HDAC9: variants seen among roughly 807,000 people sequenced by gnomAD.
The protein encoded by HDAC9 is MEF-2 interacting transcription repressor (MITR) protein.
HDAC9 carries 41 observed loss-of-function variants against 139.4 expected under a neutral mutation model. The observed-to-expected ratio is 0.29, with a 90% CI of 0.23 to 0.38. The LOEUF (loss-of-function observed/expected upper bound fraction) is 0.38, where lower values mean the gene tolerates loss of function less well. HDAC9 is among the 10% of genes least tolerant of loss of function. The probability of loss-of-function intolerance (pLI) is 1.00; values close to 1 mark genes in which losing one functional copy is unlikely to be tolerated. For synonymous variants in HDAC9, 517 were observed against 476.2 expected, an observed-to-expected ratio of 1.09 and a Z score of -1.12; for missense variants, 1,147 against 1,297.0, an observed-to-expected ratio of 0.88 and a Z score of 1.78.
At chr7:18,333,860 T>G (rs988336683) in intron 1 of HDAC9, among the ~76,000 whole-genome samples, 12 of 151,334 alleles carry the variant, frequency 7.9e-5, no homozygotes, top group Non-Finnish European at 1.6e-4. Context: ...GACAAATGTC[T>G]GAAAATATAG....
chr7:18,416,278 A>AG (rs1474256046), intron 1 of HDAC9, among the ~76,000 whole-genome samples: 1 of 152,150 alleles, frequency 6.6e-6, no homozygotes, highest in Non-Finnish European at 1.5e-5. Context: ...CCTGGGCAAC[A>AG]AGAGCAAAAC....
intron 1 of HDAC9, among the ~76,000 whole-genome samples, chr7:18,488,696 T>A (rs552875319): frequency 1.8e-4 from 27 of 152,046 alleles, no homozygotes; most frequent in African/African-American, 6.5e-4. Context: ...GGTTCATTAC[T>A]GTAAAGCAGA....
At chr7:18,610,437 C>T (rs1243373341) in intron 6 of HDAC9, among the ~76,000 whole-genome samples, 2 of 152,078 alleles carry the variant, frequency 1.3e-5, no homozygotes, top group East Asian at 3.9e-4. Flanking sequence ...CACCTTTTCA[C>T]AGTTTAACAA....
intron 1 of HDAC9, among the ~76,000 whole-genome samples, chr7:18,364,194 T>G (rs1389192129): frequency 2.0e-5 from 3 of 152,266 alleles, no homozygotes; most frequent in African/African-American, 7.2e-5. Context: ...TTGCTGAAGA[T>G]CCCAGGCTTT....
chr7:18,895,897 T>A (rs1485718946), intron 22 of HDAC9, among the ~76,000 whole-genome samples: 1 of 152,074 alleles, frequency 6.6e-6, no homozygotes, highest in Non-Finnish European at 1.5e-5. Context: ...TAACCACTTT[T>A]TAAATGGACA....
intron 21 of HDAC9, among the ~76,000 whole-genome samples, chr7:18,856,791 T>C (rs959045839): frequency 3.3e-5 from 5 of 152,178 alleles, no homozygotes; most frequent in African/African-American, 1.2e-4. Context: ...TACAATCAAA[T>C]GTAACATCGA....
At chr7:18,570,527 T>C (rs1348304586) in intron 2 of HDAC9, among the ~76,000 whole-genome samples, 2 of 152,166 alleles carry the variant, frequency 1.3e-5, no homozygotes, top group African/African-American at 2.4e-5. Flanking sequence ...ATGAAATGTG[T>C]AGAAATAAAA....
chr7:18,647,816 G>T lies in HDAC9; in HGVS notation c.1067G>T (p.Cys356Phe), dbSNP rs1209148550. Reference protein sequence around the residue: ...ASNSLKEKQKCETQTLRQGVP... With the variant: ...ASNSLKEKQKFETQTLRQGVP... ...AATTCACTCAAAGAAAAGCAGAAGT[G>T]TGAGACGCAGACGCTTAGGCAAGGT... Residue 356 changes from cysteine to phenylalanine, a missense_variant, in exon 10 of 26, where the codon TGT becomes TTT. Cys to Phe is a radical substitution (Grantham distance 205, BLOSUM62 -2). This residue lies in a region of HDAC9 where 264 missense variants were observed against 273.8 expected (regional missense o/e 0.96). Coordinates refer to ENST00000686413, the MANE Select transcript of HDAC9 (RefSeq NM_178425.4). The T allele has an allele frequency of 6.2e-7, 1 of 1,611,402 alleles. No individual in the cohort carries two copies. Among genetic ancestry groups the T allele is most frequent in the Non-Finnish European group, 8.5e-7 (1 of 1,178,798 alleles).
intron 17 of HDAC9, among the ~76,000 whole-genome samples, chr7:18,811,791 G>A (rs555312967): frequency 6.6e-6 from 1 of 151,494 alleles, no homozygotes; most frequent in Non-Finnish European, 1.5e-5. Context: ...ATATGTGTTT[G>A]TGTTGTATGT....
chr7:18,993,086 A>G (rs888339857), intron 25 of HDAC9, among the ~76,000 whole-genome samples: 65 of 149,526 alleles, frequency 4.3e-4, no homozygotes, highest in Admixed American at 3.8e-3. Context: ...CACTCACCAG[A>G]TATCTTTCTA....
chr7:18,847,315 C>G (rs971253995), intron 21 of HDAC9, among the ~76,000 whole-genome samples: 3 of 152,142 alleles, frequency 2.0e-5, no homozygotes, highest in Non-Finnish European at 4.4e-5. Context: ...CAAGTGATTA[C>G]TTTTCAAAAC....
At chr7:18,878,720 G>A (rs7789261) in intron 22 of HDAC9, among the ~76,000 whole-genome samples, 10,543 of 151,522 alleles carry the variant, frequency 0.07, 936 homozygotes, top group African/African-American at 0.2. Context: ...AATGGGCAAA[G>A]GTTGGAAGCA....
At chr7:18,890,118 A>G (rs898928853) in intron 22 of HDAC9, among the ~76,000 whole-genome samples, 6 of 152,124 alleles carry the variant, frequency 3.9e-5, no homozygotes, top group Non-Finnish European at 2.9e-5. Context: ...AAATACAGAA[A>G]CTCATTTAAA....
intron 12 of HDAC9, among the ~76,000 whole-genome samples, chr7:18,711,906 C>T (rs542109638): frequency 6.6e-6 from 1 of 151,330 alleles, no homozygotes; most frequent in Non-Finnish European, 1.5e-5. Context: ...CTTTTCCCAT[C>T]TCTTCTCTCA....
chr7:18,517,479 C>T (rs1440465862), intron 2 of HDAC9, among the ~76,000 whole-genome samples: 1 of 152,124 alleles, frequency 6.6e-6, no homozygotes, highest in Non-Finnish European at 1.5e-5. Context: ...TTATTTCCTC[C>T]CCTCCATTTC....
At chr7:18,486,831 G>A (rs1234953463) in intron 1 of HDAC9, among the ~76,000 whole-genome samples, 1 of 152,074 alleles carries the variant, frequency 6.6e-6, no homozygotes, top group African/African-American at 2.4e-5. Context: ...GAATGATAAT[G>A]CAGAAGATGG....
chr7:18,763,307 C>T (rs1244527842), intron 15 of HDAC9, among the ~76,000 whole-genome samples: 1 of 152,144 alleles, frequency 6.6e-6, no homozygotes, highest in Non-Finnish European at 1.5e-5. Flanking sequence ...AAACAAGTGG[C>T]AAGCATCTCT....
intron 1 of HDAC9, among the ~76,000 whole-genome samples, chr7:18,119,556 C>T (rs922872961): frequency 5.3e-5 from 8 of 152,126 alleles, no homozygotes; most frequent in Non-Finnish European, 7.4e-5. Context: ...AACTGTTCAG[C>T]GTAGTGAAGG....
chr7:18,412,587 A>G (rs1391448420), intron 1 of HDAC9, among the ~76,000 whole-genome samples: 1 of 152,214 alleles, frequency 6.6e-6, no homozygotes, highest in Non-Finnish European at 1.5e-5. Context: ...CCGGCAGTTC[A>G]GATGTGTGAA....
Sources: allele counts gnomAD v4.1 joint callset (sites outside exome capture counted in the v4.1 genomes callset), GRCh38; gene constraint gnomAD v4.1.1; regional missense constraint gnomAD v4.1.1; transcripts MANE v1.5; gene names NCBI Gene and HGNC (gene_info 2026-07-23, HGNC 2026-07-21).